CSMD1: variants seen among roughly 807,000 people sequenced by gnomAD.
CSMD1 encodes the protein CUB and sushi domain-containing protein 1.
Under a neutral mutation model 417.5 loss-of-function variants are expected in CSMD1, and 213 were observed. The ratio of observed to expected loss-of-function variants is 0.51; its 90% CI spans 0.46 to 0.57. The LOEUF is 0.57. CSMD1 is among the 20% of genes least tolerant of loss of function. The pLI, the probability that CSMD1 is intolerant of heterozygous loss-of-function variation, is 0.00. For missense variants in CSMD1, 6,923 were observed against 4,529.7 expected (o/e 1.53, Z -15.17); for synonymous variants, 2,862 against 1,736.8 (o/e 1.65, Z -16.11).
At chr8:3,226,848 G>A (rs949201634) in intron 27 of CSMD1, among the ~76,000 whole-genome samples, 10 of 151,856 alleles carry the variant, frequency 6.6e-5, no homozygotes, top group Admixed American at 4.6e-4. Flanking sequence ...AGCCAGTAAT[G>A]AGTAAATATA....
At chr8:3,908,499 A>AAAAAC (rs899764477) in intron 5 of CSMD1, among the ~76,000 whole-genome samples, 19 of 152,172 alleles carry the variant, frequency 1.2e-4, no homozygotes, top group Non-Finnish European at 1.8e-4. Flanking sequence ...CCCCTGGTAA[A>AAAAAC]AAAACAAAAC....
intron 26 of CSMD1, among the ~76,000 whole-genome samples, chr8:3,239,456 G>C (rs558016623): frequency 6.6e-6 from 1 of 152,314 alleles, no homozygotes; most frequent in African/African-American, 2.4e-5. Context: ...TCCAGTGAAA[G>C]TGTCTACCTA....
At chr8:4,273,713 G>T (rs535624288) in intron 3 of CSMD1, among the ~76,000 whole-genome samples, 1 of 152,112 alleles carries the variant, frequency 6.6e-6, no homozygotes, top group East Asian at 1.9e-4. Context: ...CAGTTAAAAG[G>T]ATTTGTAGCT....
At chr8:4,600,728 G>A (rs748583686) in intron 2 of CSMD1, among the ~76,000 whole-genome samples, 1 of 152,152 alleles carries the variant, frequency 6.6e-6, no homozygotes, top group Non-Finnish European at 1.5e-5. Context: ...AAGACAGAGG[G>A]TGTAAACTCA....
Position 3,521,492 on chromosome 8 carries a change from A to C in CSMD1, c.1345-27766T>G, listed in dbSNP as rs551345001. Reference sequence around the variant, plus strand: ...CATAGCATTGTTCCTTGCTGTGGTCATGCCGGTCCCTGTATTACAATGATC... The same window carrying C: ...CATAGCATTGTTCCTTGCTGTGGTCCTGCCGGTCCCTGTATTACAATGATC... On this transcript the variant is annotated intron_variant, in intron 10 of 69. Transcript: ENST00000635120. 4.8e-4 allele frequency among the ~76,000 whole-genome samples: 73 copies of C among 152,264 alleles called. 1 individual carries two copies. The highest frequency in any genetic ancestry group is 1.7e-3 in the African/African-American group (71 of 41,556).
At chr8:4,787,585 C>T (rs772740092) in intron 1 of CSMD1, 33 of 1,524,328 alleles carry the variant, frequency 2.2e-5, no homozygotes, top group Non-Finnish European at 2.7e-5. Flanking sequence ...CACCCCAGTG[C>T]GAAATGATTC....
intron 3 of CSMD1, among the ~76,000 whole-genome samples, chr8:4,204,509 C>T (rs980892845): frequency 1.1e-4 from 16 of 152,250 alleles, no homozygotes; most frequent in Middle Eastern, 3.4e-3. Flanking sequence ...ATTCAATTTC[C>T]ATAATTTATT....
intron 7 of CSMD1, among the ~76,000 whole-genome samples, chr8:3,620,376 T>C (rs1381544407): frequency 6.6e-6 from 1 of 152,068 alleles, no homozygotes; most frequent in Non-Finnish European, 1.5e-5. Flanking sequence ...CATGAAAATA[T>C]ATATAAAAAA....
At chr8:3,422,829 T>G (rs1813583222) in intron 12 of CSMD1, among the ~76,000 whole-genome samples, 2 of 152,202 alleles carry the variant, frequency 1.3e-5, no homozygotes. Flanking sequence ...GGAAGGTTGG[T>G]GTCTGATGAC....
chr8:3,380,287 G>A (rs1328134680), intron 18 of CSMD1, among the ~76,000 whole-genome samples: 1 of 152,268 alleles, frequency 6.6e-6, no homozygotes, highest in South Asian at 2.1e-4. Flanking sequence ...TTACACTGTT[G>A]GTGGGAGTGT....
At chr8:3,958,716 G>A (rs527715589) in intron 5 of CSMD1, among the ~76,000 whole-genome samples, 2 of 152,110 alleles carry the variant, frequency 1.3e-5, no homozygotes, top group Non-Finnish European at 2.9e-5. Flanking sequence ...TCAAACATGA[G>A]GCTTTTGTGG....
chr8:4,814,670 T>C (rs768368025), intron 1 of CSMD1, among the ~76,000 whole-genome samples: 2 of 152,180 alleles, frequency 1.3e-5, no homozygotes, highest in East Asian at 1.9e-4. Flanking sequence ...TTGGTGTATA[T>C]GGGTGAACAC....
chr8:3,592,693 CGT>C lies in CSMD1; in HGVS notation c.1098-6435_1098-6434del, dbSNP rs10655852. ...GCACATCCGTGTGTGTGTGCACATC[CGT>C]GTGTGTGTGTGTGTGAGTATGCACA... On this transcript the variant is annotated intron_variant, in intron 8 of 69. Transcript: ENST00000635120. Among the ~76,000 whole-genome samples, 574 of 143,422 alleles carry C rather than the reference CGT, an allele frequency of 4.0e-3. 2 individuals carry two copies. The highest frequency in any genetic ancestry group is 6.6e-3 in the Non-Finnish European group (445 of 67,562). The allele number at this position is 143,422 out of a possible 152,430, so 94.1% of individuals were successfully genotyped here.
rs181940379 is a variant in CSMD1, at chr8:4,626,604, C to G, written c.302+10738G>C. Among the ~76,000 whole-genome samples, 361 of 152,158 alleles carry G rather than the reference C, an allele frequency of 2.4e-3. 3 individuals are homozygous for G. Among genetic ancestry groups the G allele is most frequent in the African/African-American group, 8.2e-3 (340 of 41,522 alleles). On this transcript the variant is annotated intron_variant, in intron 2 of 69. Coordinates refer to ENST00000635120, the MANE Select transcript of CSMD1 (RefSeq NM_033225.6). ...GGAGCCAAGGAAATCCAGTCAGGGT[C>G]AGGACCGCAGGGGGCAGGGTGTGGG...
chr8:3,601,640 A>G (rs1801365789), intron 8 of CSMD1, among the ~76,000 whole-genome samples: 1 of 152,222 alleles, frequency 6.6e-6, no homozygotes, highest in Non-Finnish European at 1.5e-5. Flanking sequence ...CAGCAGCGTC[A>G]ACAAACTTTA....
chr8:3,061,305 A>G (rs1226876855), intron 49 of CSMD1, among the ~76,000 whole-genome samples: 1 of 152,226 alleles, frequency 6.6e-6, no homozygotes, highest in East Asian at 1.9e-4. Context: ...CACATTTATT[A>G]TTTTGTCATG....
At chr8:3,222,223 C>T (rs17079641) in intron 28 of CSMD1, among the ~76,000 whole-genome samples, 41,512 of 151,872 alleles carry the variant, frequency 0.27, 5,816 homozygotes, top group East Asian at 0.29. Flanking sequence ...AGTGAAAAAA[C>T]CCTTGCACAA....
At chr8:4,951,343 G>C (rs559622799) in intron 1 of CSMD1, among the ~76,000 whole-genome samples, 18 of 152,018 alleles carry the variant, frequency 1.2e-4, no homozygotes, top group Admixed American at 7.9e-4. Flanking sequence ...TATTACTTGA[G>C]CTATCTCTGC....
intron 10 of CSMD1, among the ~76,000 whole-genome samples, chr8:3,549,914 G>A (rs375433651): frequency 2.6e-5 from 4 of 152,160 alleles, no homozygotes; most frequent in African/African-American, 9.7e-5. Context: ...AAGTCAACAA[G>A]CAGATTTATT....
Sources: allele counts gnomAD v4.1 joint callset (sites outside exome capture counted in the v4.1 genomes callset), GRCh38; gene constraint gnomAD v4.1.1; transcripts MANE v1.5; gene names NCBI Gene and HGNC (gene_info 2026-07-23, HGNC 2026-07-21).